The following FANCA variants were observed in gnomAD, a reference collection of about 807,000 sequenced individuals.
FANCA encodes Fanconi anemia group A protein.
A neutral mutation model predicts 194.3 loss-of-function variants in FANCA; 236 were observed. That is an observed-to-expected ratio of 1.21 (90% CI 1.09 to 1.35). The LOEUF is 1.35. Ranked by LOEUF, FANCA falls within the 40% of genes most tolerant of loss-of-function variation. The probability of loss-of-function intolerance (pLI) is 0.00; values close to 1 mark genes in which losing one functional copy is unlikely to be tolerated. For synonymous variants in FANCA, 1,014 were observed against 715.8 expected, an observed-to-expected ratio of 1.42 and a Z score of -6.65; for missense variants, 2,628 against 1,813.9, an observed-to-expected ratio of 1.45 and a Z score of -8.15.
At position 89,754,223 on chromosome 16, in the gene FANCA, GAAAAA is replaced by G. The variant is rs745313216; in HGVS notation, c.2982-2006_2982-2002del. Among the ~76,000 whole-genome samples the G allele has an allele frequency of 1.4e-4, 16 of 110,890 alleles. No homozygotes were observed. The South Asian group carries it at 1.9e-3, about 13-fold the overall frequency. 72.7% of individuals were successfully genotyped at this position (110,890 alleles called of 152,430 possible). A position where few individuals can be genotyped will look rare whatever the true frequency, so the allele number is the denominator to read the frequency against. The stretch of plus-strand genomic sequence containing the variant: ...GGTGACAGAGCGAGACTCCGTCTCA[GAAAAA>G]AAAAAACAAAACAAAACAACAACAA... On this transcript the variant is annotated intron_variant, in intron 30 of 42. Coordinates refer to ENST00000389301, the MANE Select transcript of FANCA (RefSeq NM_000135.4).
chr16:89,779,132 T>G, intron 18 of FANCA, 129 bp from the exon 19 acceptor site: 1 of 856,936 alleles, frequency 1.2e-6, no homozygotes, highest in African/African-American at 1.7e-5. Flanking sequence ...TTATGAAGTC[T>G]TCTTGTGCAC....
intron 11 of FANCA, among the ~76,000 whole-genome samples, chr16:89,794,987 TAAAAG>T (rs2040194651): frequency 6.6e-6 from 1 of 152,112 alleles, no homozygotes; most frequent in Non-Finnish European, 1.5e-5. Flanking sequence ...CACCAAGTTT[TAAAAG>T]ACTAGACAGC....
At chr16:89,758,813 C>T in intron 29 of FANCA, 108 bp from the exon 30 acceptor site, 2 of 1,558,094 alleles carry the variant, frequency 1.3e-6, no homozygotes, top group South Asian at 1.1e-5. Context: ...CTAGTGAGAG[C>T]TGGGTTGAGA....
At chr16:89,799,526 G>T in intron 9 of FANCA, 79 bp downstream of exon 9, 1 of 1,360,432 alleles carries the variant, frequency 7.4e-7, no homozygotes, top group Non-Finnish European at 1.1e-6. Context: ...TACCTCAAAT[G>T]GAAAGGCAGA....
At chr16:89,740,731 G>C (rs779271674) in intron 38 of FANCA, 73 bp downstream of exon 38, 42 of 1,326,706 alleles carry the variant, frequency 3.2e-5, no homozygotes, top group Non-Finnish European at 4.2e-5. Context: ...CCCTGACTTG[G>C]AAGCTGGCTG....
At chr16:89,748,950 CTG>C (rs1285802554) in intron 32 of FANCA, among the ~76,000 whole-genome samples, 183 bp from the exon 33 acceptor site, 1 of 152,210 alleles carries the variant, frequency 6.6e-6, no homozygotes, top group African/African-American at 2.4e-5. Flanking sequence ...CTCCCCTATA[CTG>C]TGTTTGGCCC....
intron 7 of FANCA, 61 bp from the exon 8 acceptor site, chr16:89,803,402 G>C (rs1461298113): frequency 6.9e-7 from 1 of 1,457,974 alleles, no homozygotes; most frequent in African/African-American, 1.4e-5. Context: ...AACTGTGAAT[G>C]GCACAGACCA....
chr16:89,752,428 G>C (rs2038628629), intron 30 of FANCA, among the ~76,000 whole-genome samples: 4 of 152,150 alleles, frequency 2.6e-5, no homozygotes, highest in Admixed American at 2.0e-4. Context: ...CCATGACCAA[G>C]GAGGCTTATC....
chr16:89,742,618 G>A (rs1389553801), intron 37 of FANCA, among the ~76,000 whole-genome samples, 182 bp downstream of exon 37: 1 of 132,964 alleles, frequency 7.5e-6, no homozygotes, highest in African/African-American at 2.9e-5. Flanking sequence ...GACCATCCTG[G>A]CTAACACAGT....
chr16:89,762,081 G>A, intron 28 of FANCA, 59 bp from the exon 29 acceptor site: 2 of 1,356,450 alleles, frequency 1.5e-6, no homozygotes, highest in African/African-American at 2.9e-5. Flanking sequence ...TCCACCGACA[G>A]GTTTATAAAC....
chr16:89,769,555 C>T (rs1049349720), intron 26 of FANCA, among the ~76,000 whole-genome samples: 2 of 152,156 alleles, frequency 1.3e-5, no homozygotes, highest in Non-Finnish European at 2.9e-5. Context: ...CAGCTCTCAC[C>T]AGGACATCAA....
chr16:89,785,075 T>A (rs1407946679), intron 14 of FANCA, 111 bp from the exon 15 acceptor site: 3 of 764,688 alleles, frequency 3.9e-6, no homozygotes, highest in Non-Finnish European at 4.6e-6. Flanking sequence ...CAGGCGCAGC[T>A]GCACCACCTA....
intron 36 of FANCA, 22 bp from the exon 37 acceptor site, chr16:89,742,960 C>CA: frequency 1.9e-6 from 3 of 1,612,176 alleles, no homozygotes; most frequent in Non-Finnish European, 2.5e-6. Context: ...AGAACGGGGT[C>CA]ATTGCAGGGC....
rs149739791 is a variant in FANCA at position 89,793,896 on chromosome 16, G to T, written c.1007-1349C>A. On this transcript the variant is annotated intron_variant, in intron 11 of 42. Coordinates refer to ENST00000389301, the MANE Select transcript of FANCA (RefSeq NM_000135.4). ...CTCCCGAGTAGCTGGGACTACAGGCGCCCACCACCACGCCCGGCTAATTTT... is the reference window on the plus strand; with the variant it reads ...CTCCCGAGTAGCTGGGACTACAGGCTCCCACCACCACGCCCGGCTAATTTT... 1.6e-3 allele frequency among the ~76,000 whole-genome samples: 237 copies of T among 152,168 alleles called. 1 individual carries two copies. Among genetic ancestry groups the T allele is most frequent in the African/African-American group, 5.0e-3 (209 of 41,512 alleles).
chr16:89,812,582 G>A (rs139024904), intron 3 of FANCA, among the ~76,000 whole-genome samples: 1 of 146,050 alleles, frequency 6.8e-6, no homozygotes, highest in East Asian at 2.0e-4. Flanking sequence ...GGAGGCAGAG[G>A]TTGCGGTGAG....
At chr16:89,812,645 T>TCAAAAAAAAAAAAAAAAA (rs2040932246) in intron 3 of FANCA, among the ~76,000 whole-genome samples, 1 of 15,166 alleles carries the variant, frequency 6.6e-5, no homozygotes, top group Non-Finnish European at 1.1e-4. Flanking sequence ...ATACTCCGTC[T>TCAAAAAAAAAAAAAAAAA]CAAAAAAAAA....
chr16:89,815,108 C>T (rs2041052578), intron 2 of FANCA, among the ~76,000 whole-genome samples: 1 of 151,844 alleles, frequency 6.6e-6, no homozygotes, highest in South Asian at 2.1e-4. Flanking sequence ...CGGGATCTCA[C>T]TCACGGCGAC....
intron 29 of FANCA, 130 bp downstream of exon 29, chr16:89,761,819 T>C (rs2038962678): frequency 1.3e-6 from 1 of 758,338 alleles, no homozygotes; most frequent in East Asian, 2.5e-5. Context: ...AGAAATGGAG[T>C]TTCCCCATGT....
At chr16:89,774,300 C>T (rs2238527) in intron 21 of FANCA, among the ~76,000 whole-genome samples, 1 of 152,024 alleles carries the variant, frequency 6.6e-6, no homozygotes, top group East Asian at 1.9e-4. Context: ...CCAAAAGCTA[C>T]GAACAAGTGG....
Sources: allele counts gnomAD v4.1 joint callset (sites outside exome capture counted in the v4.1 genomes callset), GRCh38; gene constraint gnomAD v4.1.1; transcripts MANE v1.5; gene names NCBI Gene and HGNC (gene_info 2026-07-23, HGNC 2026-07-21).